Variants in PLEKHJ1 observed in about 807,000 individuals in gnomAD.
PLEKHJ1 encodes pleckstrin homology domain containing J1, also known as pleckstrin homology domain-containing family J member 1.
In PLEKHJ1, 20 loss-of-function variants were observed where a neutral mutation model predicts 21.7. The ratio of observed to expected loss-of-function variants is 0.92; its 90% CI spans 0.65 to 1.34. The LOEUF (loss-of-function observed/expected upper bound fraction) is 1.34, where lower values mean the gene tolerates loss of function less well. Ranked by LOEUF, PLEKHJ1 falls within the 40% of genes most tolerant of loss-of-function variation. The pLI is 0.00. For synonymous variants in PLEKHJ1, 113 were observed against 80.6 expected (o/e 1.40, Z -2.15); for missense variants, 241 against 202.0 (o/e 1.19, Z -1.17).
At chr19:2,232,333 C>CGGGG (rs2024639034), downstream of PLEKHJ1, 1 of 206,602 alleles carries the variant, frequency 4.8e-6, no homozygotes, top group South Asian at 1.9e-4. Flanking sequence ...GGTCAGCAGG[C>CGGGG]CCCCCACCCC....
At chr19:2,231,785 C>T (rs965624890), downstream of PLEKHJ1, 3 of 215,432 alleles carry the variant, frequency 1.4e-5, no homozygotes, top group Middle Eastern at 1.5e-3. Context: ...ATTACTTCTG[C>T]CTCCCTCTAG....
At position 2,233,817 on chromosome 19, in the gene PLEKHJ1, A is replaced by C; in HGVS notation, c.*23T>G. 1 of 1,585,026 alleles carries C rather than the reference A, an allele frequency of 6.3e-7. No individual in the cohort carries two copies. The highest frequency in any genetic ancestry group is 8.6e-7 in the Non-Finnish European group (1 of 1,168,662). ...GGCAGGGCCAGTCCCGTCCCGCTGC[A>C]CGCTGACCACCGTGCCCTGCGCTCA... On this transcript the variant is annotated 3_prime_UTR_variant, in exon 6 of 6. Transcript: ENST00000326631.
chr19:2,232,489 C>T (rs984420228), downstream of PLEKHJ1: 1 of 222,464 alleles, frequency 4.5e-6, no homozygotes, highest in Non-Finnish European at 9.0e-6. Flanking sequence ...CGGTCCGCCC[C>T]TGGGCTGCAG....
rs758918784 is a variant in PLEKHJ1 at position 2,234,210 on chromosome 19, T to C, written c.260A>G (p.His87Arg). 4.2e-5 allele frequency: 67 copies of C among 1,612,970 alleles called. No homozygotes were observed. Among genetic ancestry groups the C allele is most frequent in the Admixed American group, 5.0e-5 (3 of 59,996 alleles). ...CTGCTCCTCGCTGCTGCACTCAAAGTGATACTTCCTCTCAGGGTCCTCAAT... is the reference window on the plus strand; with the variant it reads ...CTGCTCCTCGCTGCTGCACTCAAAGCGATACTTCCTCTCAGGGTCCTCAAT... ...SFIEDPERKY[H>R]FECSSEEQCQ... The change falls in exon 4 of 6, where the codon CAC (histidine) becomes CGC (arginine). Residue 87 changes from histidine (H) to arginine (R), a missense_variant. By Grantham distance (29) the His-to-Arg change is conservative (BLOSUM62 0). Coordinates refer to ENST00000326631, the MANE Select transcript of PLEKHJ1 (RefSeq NM_018049.3).
chr19:2,232,798 C>T (rs1484239386), downstream of PLEKHJ1, among the ~76,000 whole-genome samples: 1 of 152,148 alleles, frequency 6.6e-6, no homozygotes, highest in Admixed American at 6.5e-5. Flanking sequence ...GGCACCAGGC[C>T]ACAGGCAAAG....
intron 3 of PLEKHJ1, chr19:2,235,025 A>T (rs1223906121): frequency 6.6e-6 from 1 of 152,136 alleles, no homozygotes; most frequent in South Asian, 2.1e-4. Context: ...AAAATAATAA[A>T]GTGAAGTAAA....
downstream of PLEKHJ1, chr19:2,230,181 C>T (rs1345459452): frequency 2.8e-5 from 13 of 469,310 alleles, no homozygotes; most frequent in South Asian, 3.0e-4. Flanking sequence ...TCCCCAGGCC[C>T]GCGCCTGCCT....
downstream of PLEKHJ1, chr19:2,230,125 C>T (rs1010400343): frequency 4.6e-5 from 24 of 517,332 alleles, no homozygotes; most frequent in African/African-American, 1.2e-4. Context: ...GTCTGCAGGG[C>T]GGGCCCGCCA....
At chr19:2,232,654 G>A (rs1247717581), downstream of PLEKHJ1, 1 of 181,456 alleles carries the variant, frequency 5.5e-6, no homozygotes, top group East Asian at 9.0e-5. Context: ...CCCGGCTAGT[G>A]TGTCATCGCC....
chr19:2,230,033 A>G (rs1048047419), downstream of PLEKHJ1: 11 of 644,094 alleles, frequency 1.7e-5, no homozygotes, highest in Non-Finnish European at 2.6e-5. Context: ...ATTCTGACTT[A>G]TTTTATTCCA....
chr19:2,236,300 G>T lies in PLEKHJ1; in HGVS notation c.-52C>A. Reference sequence around the variant, plus strand: ...CCGCGCCCTCCCGGCCGCCGTCCCCGCTCAGGCTGGGGCCGGCGCCAAAAA... The same window carrying T: ...CCGCGCCCTCCCGGCCGCCGTCCCCTCTCAGGCTGGGGCCGGCGCCAAAAA... On this transcript the variant is annotated 5_prime_UTR_variant, in exon 1 of 6. Transcript: ENST00000326631. 2 of 1,184,574 alleles carry T rather than the reference G, an allele frequency of 1.7e-6. No homozygotes were observed. Among genetic ancestry groups the T allele is most frequent in the African/African-American group, 1.6e-5 (1 of 62,014 alleles). 73.4% of individuals were successfully genotyped at this position (1,184,574 alleles called of 1,614,324 possible). A position where few individuals can be genotyped will look rare whatever the true frequency, so the allele number is the denominator to read the frequency against.
chr19:2,235,468 G>A (rs2024770993), intron 3 of PLEKHJ1: 1 of 459,752 alleles, frequency 2.2e-6, no homozygotes, highest in Non-Finnish European at 3.9e-6. Flanking sequence ...CTGGGGAAAC[G>A]CTTTGGGTGG....
At chr19:2,232,792 C>A (rs1267205042), downstream of PLEKHJ1, among the ~76,000 whole-genome samples, 2 of 152,100 alleles carry the variant, frequency 1.3e-5, no homozygotes, top group South Asian at 2.1e-4. Context: ...TATGAGGGCA[C>A]CAGGCCACAG....
downstream of PLEKHJ1, chr19:2,230,253 C>T (rs775671299): frequency 1.7e-4 from 69 of 416,122 alleles, no homozygotes; most frequent in Admixed American, 1.7e-4. Context: ...AAACGCCGCC[C>T]GGCCGGCTCC....
chr19:2,235,855 G>A, intron 2 of PLEKHJ1, 27 bp from the exon 3 acceptor site: 1 of 1,574,070 alleles, frequency 6.4e-7, no homozygotes, highest in Non-Finnish European at 8.6e-7. Flanking sequence ...CGCCGGGACG[G>A]GGCAGTGAGC....
downstream of PLEKHJ1, chr19:2,231,873 TGTTCA>T (rs902282285): frequency 2.7e-5 from 6 of 220,108 alleles, no homozygotes; most frequent in African/African-American, 1.3e-4. Flanking sequence ...GGCCACCGTA[TGTTCA>T]GGACACGCAC....
intron 3 of PLEKHJ1, 158 bp downstream of exon 3, chr19:2,235,604 C>T: frequency 1.6e-6 from 1 of 642,262 alleles, no homozygotes; most frequent in Non-Finnish European, 2.6e-6. Flanking sequence ...GAGAACTTGA[C>T]CTTGAGCTGC....
rs1223613517 is a variant in PLEKHJ1, at chr19:2,236,210, C to T, written c.39G>A (p.Arg13=). Residue 13 remains arginine (R), a synonymous_variant, in exon 1 of 6, where the codon CGG becomes CGA. Coordinates refer to ENST00000326631, the MANE Select transcript of PLEKHJ1 (RefSeq NM_018049.3). Reference sequence around the variant, plus strand: ...GCTCGGCCGCCATCTCGGCCGGCTGCCGGGACAGAGCCTGCAGCTCCTTCT... The same window carrying T: ...GCTCGGCCGCCATCTCGGCCGGCTGTCGGGACAGAGCCTGCAGCTCCTTCT... ...YNEKELQALS[R]QPAEMAAELG... is the part of the protein sequence containing the mutation. The T allele has an allele frequency of 2.0e-6, 3 of 1,475,020 alleles. No homozygotes were observed. Among genetic ancestry groups the T allele is most frequent in the Non-Finnish European group, 1.8e-6 (2 of 1,116,754 alleles). The allele number at this position is 1,475,020 out of a possible 1,614,324, so 91.4% of individuals were successfully genotyped here. A position where few individuals can be genotyped will look rare whatever the true frequency, so the allele number is the denominator to read the frequency against.
At chr19:2,232,706 C>T (rs1489118369), downstream of PLEKHJ1, 2 of 179,676 alleles carry the variant, frequency 1.1e-5, no homozygotes, top group Non-Finnish European at 1.2e-5. Flanking sequence ...CTAGCAGAAG[C>T]TCCGGGGGCT....
Sources: allele counts gnomAD v4.1 joint callset (sites outside exome capture counted in the v4.1 genomes callset), GRCh38; gene constraint gnomAD v4.1.1; transcripts MANE v1.5; gene names NCBI Gene and HGNC (gene_info 2026-07-23, HGNC 2026-07-21).